PPP2R5C: variants seen among roughly 807,000 people sequenced by gnomAD.
PPP2R5C encodes the protein serine/threonine-protein phosphatase 2A 56 kDa regulatory subunit gamma isoform.
PPP2R5C carries 7 observed loss-of-function variants against 68.9 expected under a neutral mutation model. The ratio of observed to expected loss-of-function variants is 0.10; its 90% CI spans 0.06 to 0.19. PPP2R5C has a LOEUF of 0.19. Among genes scored for constraint, PPP2R5C ranks in the 10% least tolerant of loss-of-function variants. The pLI is 1.00. For synonymous variants in PPP2R5C, 210 were observed against 222.2 expected (o/e 0.95, Z 0.49); for missense variants, 348 against 641.3 (o/e 0.54, Z 4.94).
intron 2 of PPP2R5C, among the ~76,000 whole-genome samples, chr14:101,768,177 A>G (rs554767875): frequency 5.1e-4 from 77 of 152,312 alleles, no homozygotes; most frequent in African/African-American, 1.8e-3. Flanking sequence ...GACATTGTCT[A>G]ATGTCTCCTG....
chr14:101,762,075 C>G (rs1397335601), intron 1 of PPP2R5C, among the ~76,000 whole-genome samples, 155 bp downstream of exon 1: 3 of 151,454 alleles, frequency 2.0e-5, no homozygotes, highest in South Asian at 2.1e-4. Context: ...CAGGCATCCC[C>G]GGGCTTCTCT....
chr14:101,920,578 G>A (rs965992096), intron 13 of PPP2R5C, among the ~76,000 whole-genome samples: 1 of 152,146 alleles, frequency 6.6e-6, no homozygotes, highest in Non-Finnish European at 1.5e-5. Context: ...GAGTCATTGG[G>A]ATGTCTGTTT....
intron 2 of PPP2R5C, among the ~76,000 whole-genome samples, chr14:101,783,701 C>T (rs1566834954): frequency 6.6e-6 from 1 of 152,230 alleles, no homozygotes; most frequent in East Asian, 1.9e-4. Flanking sequence ...TCCATGCAGC[C>T]GACCTTCCAG....
chr14:101,817,679 G>C (rs1458137301), intron 1 of PPP2R5C, among the ~76,000 whole-genome samples: 2 of 152,150 alleles, frequency 1.3e-5, no homozygotes, highest in African/African-American at 4.8e-5. Flanking sequence ...GCCAGGGTCA[G>C]ATCACCCCCC....
intron 3 of PPP2R5C, among the ~76,000 whole-genome samples, chr14:101,793,343 G>C (rs1056531950): frequency 6.6e-6 from 1 of 152,170 alleles, no homozygotes; most frequent in African/African-American, 2.4e-5. Flanking sequence ...CATTCATATT[G>C]ATATTTTAAA....
chr14:101,883,237 A>T lies in PPP2R5C; in HGVS notation c.406-20A>T. On this transcript the variant is annotated intron_variant, in intron 3 of 13. Coordinates refer to ENST00000334743, the Ensembl canonical transcript of PPP2R5C. Reference sequence around the variant, plus strand: ...AATAAAATCTCATGTTATTTGACTCATTGTTTTTTTTCCTCCTAGCTTGTT... The same window carrying T: ...AATAAAATCTCATGTTATTTGACTCTTTGTTTTTTTTCCTCCTAGCTTGTT... The T allele has an allele frequency of 6.8e-7, 1 of 1,462,386 alleles. No homozygotes were observed. Among genetic ancestry groups the T allele is most frequent in the East Asian group, 2.3e-5 (1 of 44,054 alleles). 90.6% of individuals were successfully genotyped at this position (1,462,386 alleles called of 1,614,324 possible). A position where few individuals can be genotyped will look rare whatever the true frequency, so the allele number is the denominator to read the frequency against.
At position 101,882,558 on chromosome 14, in the gene PPP2R5C, A is replaced by G. The variant is rs542999520; in HGVS notation, c.405+287A>G. On this transcript the variant is annotated intron_variant, in intron 3 of 13. Coordinates refer to ENST00000334743, the Ensembl canonical transcript of PPP2R5C. This position sits in a 1 kb window ranked among gnomAD's most constrained non-coding sequence, Gnocchi z 4.9. ...ATTGAATTCAGGCCCAGAGGTCCTA[A>G]GCCAACAATCTCCCAGTTTTTGCTC... 2.0e-4 allele frequency: 56 copies of G among 274,528 alleles called. No individual in the cohort carries two copies. In the Admixed American group the frequency reaches 2.5e-3, roughly 12 times the overall value. The allele number at this position is 274,528 out of a possible 1,614,324, so 17.0% of individuals were successfully genotyped here. A position where few individuals can be genotyped will look rare whatever the true frequency, so the allele number is the denominator to read the frequency against.
chr14:101,922,597 C>G (rs1367249966), intron 13 of PPP2R5C, among the ~76,000 whole-genome samples: 1 of 151,276 alleles, frequency 6.6e-6, no homozygotes, highest in East Asian at 1.9e-4. Context: ...GAGAATTGCT[C>G]GAAGCCAGGA....
intron 2 of PPP2R5C, among the ~76,000 whole-genome samples, chr14:101,776,524 G>A (rs1276728270): frequency 6.6e-6 from 1 of 152,138 alleles, no homozygotes; most frequent in Admixed American, 6.5e-5. Context: ...TCTGTACTGA[G>A]AACAGCTGAT....
intron 2 of PPP2R5C, among the ~76,000 whole-genome samples, chr14:101,773,975 A>G (rs981919827): frequency 6.6e-6 from 1 of 152,238 alleles, no homozygotes; most frequent in Non-Finnish European, 1.5e-5. Context: ...GATTACAGAC[A>G]TGAACCACTG....
intron 13 of PPP2R5C, among the ~76,000 whole-genome samples, chr14:101,919,969 C>CAAAAAAAAAAAAAAAAAAA (rs34641396): frequency 7.6e-5 from 4 of 52,880 alleles, no homozygotes; most frequent in African/African-American, 3.6e-4. Flanking sequence ...AACTCCGTCT[C>CAAAAAAAAAAAAAAAAAAA]AAAAAAAAAA....
intron 1 of PPP2R5C, among the ~76,000 whole-genome samples, chr14:101,832,901 G>A (rs1448881529): frequency 6.6e-6 from 1 of 152,214 alleles, no homozygotes; most frequent in Non-Finnish European, 1.5e-5. Flanking sequence ...CCTCCAGCAA[G>A]TATTGAACTG....
intron 12 of PPP2R5C, chr14:101,912,730 T>A: frequency 1.6e-6 from 1 of 611,328 alleles, no homozygotes; most frequent in Non-Finnish European, 2.3e-6. Context: ...GCATATACTG[T>A]GGTAAAAAGA....
At chr14:101,880,718 A>G (rs79462752) in intron 2 of PPP2R5C, among the ~76,000 whole-genome samples, 3,251 of 152,104 alleles carry the variant, frequency 0.021, 115 homozygotes, top group African/African-American at 0.075. Context: ...GATCGTGTGA[A>G]CCCAGGAGTT....
chr14:101,891,548 G>T lies in PPP2R5C; in HGVS notation c.689+1252G>T, dbSNP rs553976301. Among the ~76,000 whole-genome samples, 5 of 152,268 alleles carry T rather than the reference G, an allele frequency of 3.3e-5. No homozygotes were observed. The highest frequency in any genetic ancestry group is 1.2e-4 in the African/African-American group (5 of 41,544). On this transcript the variant is annotated intron_variant, in intron 6 of 13. Transcript: ENST00000334743. The surrounding 1 kb of genome is among the most constrained non-coding windows in gnomAD (Gnocchi z 4.9). The stretch of plus-strand genomic sequence containing the variant: ...CATTTCCCTCCTAGGTTGTTGCAGG[G>T]ACCGGAGCGCTGTATGACATGTGTT...
At chr14:101,814,314 A>T (rs2039534619) in intron 1 of PPP2R5C, among the ~76,000 whole-genome samples, 1 of 152,198 alleles carries the variant, frequency 6.6e-6, no homozygotes, top group Non-Finnish European at 1.5e-5. Context: ...TACAGCCTTA[A>T]CCTTACCCAT....
intron 10 of PPP2R5C, among the ~76,000 whole-genome samples, chr14:101,909,084 C>T (rs1169484759): frequency 6.6e-6 from 1 of 152,200 alleles, no homozygotes. Context: ...AATTTGGCCT[C>T]TTTCCCTCTC....
chr14:101,851,846 C>T (rs1302808805), intron 1 of PPP2R5C, among the ~76,000 whole-genome samples: 1 of 152,022 alleles, frequency 6.6e-6, no homozygotes, highest in Non-Finnish European at 1.5e-5. Flanking sequence ...CCACAGTTTA[C>T]ATGATGCCTC....
intron 2 of PPP2R5C, among the ~76,000 whole-genome samples, chr14:101,776,452 CTT>C (rs2037426584): frequency 6.6e-6 from 1 of 152,136 alleles, no homozygotes. Context: ...GGAGTAAACA[CTT>C]AAACTGAGGA....
Sources: allele counts gnomAD v4.1 joint callset (sites outside exome capture counted in the v4.1 genomes callset), GRCh38; gene constraint gnomAD v4.1.1; non-coding constraint Gnocchi (gnomAD v3.1); transcripts MANE v1.5; gene names NCBI Gene and HGNC (gene_info 2026-07-23, HGNC 2026-07-21).